The following LY96 variants were observed in gnomAD, a reference collection of about 807,000 sequenced individuals.
LY96 encodes lymphocyte antigen 96.
In LY96, 18 loss-of-function variants were observed where a neutral mutation model predicts 18.9. The observed-to-expected ratio is 0.95, with a 90% CI of 0.66 to 1.41. The LOEUF (loss-of-function observed/expected upper bound fraction) is 1.41, where lower values mean the gene tolerates loss of function less well. Among genes scored for constraint, LY96 ranks in the 40% most tolerant of loss-of-function variants. LY96 has a pLI of 0.00. For synonymous variants in LY96, 66 were observed against 62.6 expected (o/e 1.06, Z -0.26); for missense variants, 175 against 182.4 (o/e 0.96, Z 0.23).
the LY96 span, among the ~76,000 whole-genome samples, chr8:74,081,083 T>C: frequency 6.1e-5 from 7 of 114,628 alleles, no homozygotes; most frequent in South Asian, 5.7e-4. Flanking sequence ...TTTCTTCTCT[T>C]TCTCTCTTTC....
chr8:74,033,817 A>C (rs1442484571), downstream of LY96, among the ~76,000 whole-genome samples: 3 of 152,076 alleles, frequency 2.0e-5, no homozygotes, highest in African/African-American at 7.2e-5. Flanking sequence ...GAAACTGTTC[A>C]TGGGTATTCT....
At chr8:74,057,876 A>G in the LY96 span, among the ~76,000 whole-genome samples, 2 of 152,248 alleles carry the variant, frequency 1.3e-5, no homozygotes, top group Non-Finnish European at 1.5e-5. Flanking sequence ...GTTATGCTTC[A>G]GTATAAAAAT....
chr8:74,089,633 A>G, the LY96 span, among the ~76,000 whole-genome samples: 1 of 152,206 alleles, frequency 6.6e-6, no homozygotes, highest in Non-Finnish European at 1.5e-5. Context: ...CAAAGTTAAC[A>G]AAACAAAGTC....
the LY96 span, among the ~76,000 whole-genome samples, chr8:74,035,045 C>A: frequency 6.6e-6 from 1 of 151,956 alleles, no homozygotes; most frequent in Non-Finnish European, 1.5e-5. Context: ...TTATGAGTTG[C>A]GAAGATATAT....
Position 74,029,079 on chromosome 8 carries a change from A to T in LY96, c.*25A>T, listed in dbSNP as rs1194420643. On this transcript the variant is annotated 3_prime_UTR_variant, in exon 5 of 5. Transcript: ENST00000284818. ...GAATAAATTGAGTATTTAAAAAAAA[A>T]TTTAAAGGTATTGTTCCTGTTTTAA... 2.9e-6 allele frequency: 4 copies of T among 1,371,554 alleles called. No homozygotes were observed. The highest frequency in any genetic ancestry group is 2.3e-5 in the East Asian group (1 of 42,754). The allele number at this position is 1,371,554 out of a possible 1,614,324, so 85.0% of individuals were successfully genotyped here. A position where few individuals can be genotyped will look rare whatever the true frequency, so the allele number is the denominator to read the frequency against.
chr8:74,025,865 G>A lies in LY96; in HGVS notation c.332-924G>A, dbSNP rs528319052. Among the ~76,000 whole-genome samples, 5 of 151,926 alleles carry A rather than the reference G, an allele frequency of 3.3e-5. No homozygotes were observed. In the South Asian group the frequency reaches 8.3e-4, roughly 25 times the overall value. ...TTTACTAAAAATACAAAAATTAATC[G>A]GGTGTGGTGGCAGGCGCCTGTAATC... On this transcript the variant is annotated intron_variant, in intron 3 of 4. Coordinates refer to ENST00000284818, the MANE Select transcript of LY96 (RefSeq NM_015364.5).
intron 3 of LY96, among the ~76,000 whole-genome samples, chr8:74,017,517 G>A (rs889142171): frequency 1.3e-5 from 2 of 152,138 alleles, no homozygotes; most frequent in African/African-American, 4.8e-5. Flanking sequence ...ATCTAGCAAG[G>A]CAGGCCAACA....
At position 74,028,993 on chromosome 8, in the gene LY96, G is replaced by T. The variant is rs780550288; in HGVS notation, c.422G>T (p.Ser141Ile). The T allele has an allele frequency of 2.5e-6, 4 of 1,611,294 alleles. No homozygotes were observed. The South Asian group carries it at 4.4e-5, about 18-fold the overall frequency. Reference protein sequence around the residue: ...YKCVVEAISGSPEEMLFCLEF... With the variant: ...YKCVVEAISGIPEEMLFCLEF... The stretch of plus-strand genomic sequence containing the variant: ...TGTGTTGTTGAAGCTATTTCTGGGA[G>T]CCCAGAAGAAATGCTCTTTTGCTTG... The change falls in exon 5 of 5, where the codon AGC becomes ATC. Residue 141 changes from serine to isoleucine, a missense_variant. By Grantham distance (142) the Ser-to-Ile change is moderately radical. Transcript: ENST00000284818.
the LY96 span, among the ~76,000 whole-genome samples, chr8:74,093,893 TA>T: frequency 6.6e-6 from 1 of 152,210 alleles, no homozygotes; most frequent in African/African-American, 2.4e-5. Context: ...TTGTTGTTGT[TA>T]AGCACAGATT....
intron 3 of LY96, among the ~76,000 whole-genome samples, chr8:74,017,799 CTA>C (rs1816675106): frequency 6.6e-6 from 1 of 152,142 alleles, no homozygotes; most frequent in Non-Finnish European, 1.5e-5. Flanking sequence ...CCCAGCCAAA[CTA>C]AGCTTCACAA....
chr8:74,020,848 G>T (rs1816743855), intron 3 of LY96, among the ~76,000 whole-genome samples: 1 of 152,200 alleles, frequency 6.6e-6, no homozygotes, highest in Non-Finnish European at 1.5e-5. Flanking sequence ...AAATGGTGCT[G>T]GGAAAACTGG....
chr8:74,018,932 A>G (rs2131277261), intron 3 of LY96, among the ~76,000 whole-genome samples: 1 of 152,322 alleles, frequency 6.6e-6, no homozygotes, highest in East Asian at 1.9e-4. Flanking sequence ...CAGTGTGTAG[A>G]GGGAAATTTA....
rs1423254048 is a variant in LY96, at chr8:74,002,070, CCTTCCTTTCTTTCTTT to C, written c.113-2722_113-2707del. ...TCCTTCCTTCCTTCCTTCCTTCCTT[CCTTCCTTTCTTTCTTT>C]CTTTCTTTCTCTCTCTCTCTCTCTC... On this transcript the variant is annotated intron_variant, in intron 1 of 4. Coordinates refer to ENST00000284818, the MANE Select transcript of LY96 (RefSeq NM_015364.5). Among the ~76,000 whole-genome samples, 30 of 18,464 alleles carry C rather than the reference CCTTCCTTTCTTTCTTT, an allele frequency of 1.6e-3. 1 individual carries two copies. The highest frequency in any genetic ancestry group is 6.7e-3 in the African/African-American group (30 of 4,496). 12.1% of individuals were successfully genotyped at this position (18,464 alleles called of 152,430 possible). A position where few individuals can be genotyped will look rare whatever the true frequency, so the allele number is the denominator to read the frequency against.
chr8:74,059,643 A>C, the LY96 span, among the ~76,000 whole-genome samples: 75 of 152,346 alleles, frequency 4.9e-4, 1 homozygote, highest in African/African-American at 1.8e-3. Flanking sequence ...ATTTTTGAGT[A>C]GTTAAATTTC....
chr8:74,080,986 CTT>C, the LY96 span, among the ~76,000 whole-genome samples: 2,164 of 46,150 alleles, frequency 0.047, 29 homozygotes, highest in Admixed American at 0.087. Context: ...CTTTCTCTCT[CTT>C]TCTTTCTTTC....
downstream of LY96, among the ~76,000 whole-genome samples, chr8:74,034,060 C>A (rs28394295): frequency 0.023 from 3,540 of 152,274 alleles, 131 homozygotes; most frequent in African/African-American, 0.079. Context: ...TTATTTTGCA[C>A]ATACATTGGT....
the LY96 span, among the ~76,000 whole-genome samples, chr8:74,088,671 T>A: frequency 6.6e-6 from 1 of 152,168 alleles, no homozygotes; most frequent in African/African-American, 2.4e-5. Context: ...CTGCAACCTC[T>A]GCCTCCTGGG....
At position 74,004,974 on chromosome 8, in the gene LY96, C is replaced by T. The variant is rs528652489; in HGVS notation, c.202+89C>T. 4.1e-5 allele frequency: 56 copies of T among 1,364,308 alleles called. No homozygotes were observed. The South Asian group carries it at 5.5e-4, about 13-fold the overall frequency. 84.5% of individuals were successfully genotyped at this position (1,364,308 alleles called of 1,614,324 possible). A position where few individuals can be genotyped will look rare whatever the true frequency, so the allele number is the denominator to read the frequency against. ...ATTGTGTTTCAAATATACTTGTATTCGTTATCTATTGCTACGTAACAAATT... is the reference window on the plus strand; with the variant it reads ...ATTGTGTTTCAAATATACTTGTATTTGTTATCTATTGCTACGTAACAAATT... On this transcript the variant is annotated intron_variant, in intron 2 of 4. Coordinates refer to ENST00000284818, the MANE Select transcript of LY96 (RefSeq NM_015364.5).
At chr8:74,050,750 A>C in the LY96 span, among the ~76,000 whole-genome samples, 1 of 152,294 alleles carries the variant, frequency 6.6e-6, no homozygotes, top group East Asian at 1.9e-4. Flanking sequence ...TCAGCTGGGC[A>C]CGGGGGCTCA....
Sources: gnomAD v4.1 joint callset for allele counts (sites outside exome capture counted in the v4.1 genomes callset) on GRCh38, gnomAD v4.1.1 for gene constraint, MANE v1.5 for transcripts, NCBI Gene and HGNC (gene_info 2026-07-23, HGNC 2026-07-21) for gene names.